The following KANK4 variants were observed in gnomAD, a reference collection of about 807,000 sequenced individuals.
The protein encoded by KANK4 is KN motif and ankyrin repeat domain-containing protein 4.
A neutral mutation model predicts 80.8 loss-of-function variants in KANK4; 50 were observed. That is an observed-to-expected ratio of 0.62 (90% confidence interval 0.49 to 0.78). The LOEUF (loss-of-function observed/expected upper bound fraction) is 0.78. Ranked by LOEUF, KANK4 falls within the 30% of genes least tolerant of loss-of-function variation. KANK4 has a pLI of 0.00. For missense variants in KANK4, 1,196 were observed against 1,240.1 expected (o/e 0.96, Z 0.53); for synonymous variants, 465 against 506.9 (o/e 0.92, Z 1.11).
chr1:62,294,302 T>C (rs531689214), intron 1 of KANK4, among the ~76,000 whole-genome samples: 19 of 152,306 alleles, frequency 1.2e-4, no homozygotes, highest in African/African-American at 4.6e-4. Context: ...AGTAAATGTT[T>C]CCTAGGAATT....
intron 7 of KANK4, among the ~76,000 whole-genome samples, chr1:62,255,194 A>G (rs1671723969): frequency 6.6e-6 from 1 of 152,090 alleles, no homozygotes; most frequent in South Asian, 2.1e-4. Flanking sequence ...CAAACCTGAC[A>G]TATTTTTAAG....
chr1:62,307,713 T>C (rs1445223350), intron 1 of KANK4, among the ~76,000 whole-genome samples: 1 of 151,732 alleles, frequency 6.6e-6, no homozygotes, highest in African/African-American at 2.4e-5. Context: ...TCCAGCCAGG[T>C]GTGGCCATGG....
At chr1:62,267,652 A>G (rs959288115) in intron 5 of KANK4, among the ~76,000 whole-genome samples, 2 of 152,100 alleles carry the variant, frequency 1.3e-5, no homozygotes, top group African/African-American at 4.8e-5. Flanking sequence ...AATACAAAAA[A>G]ATAGCTGAGG....
chr1:62,298,988 A>ACTT (rs1225612796), intron 1 of KANK4, among the ~76,000 whole-genome samples: 1 of 152,056 alleles, frequency 6.6e-6, no homozygotes, highest in African/African-American at 2.4e-5. Flanking sequence ...AGGCTTAGTA[A>ACTT]CTTGGTCATA....
At chr1:62,307,758 ATT>A (rs34091753) in intron 1 of KANK4, among the ~76,000 whole-genome samples, 64 of 145,300 alleles carry the variant, frequency 4.4e-4, no homozygotes, top group African/African-American at 1.3e-3. Context: ...GCCAGACCTG[ATT>A]TTTTTTTTTT....
At chr1:62,317,073 T>G (rs1320202551) in intron 1 of KANK4, among the ~76,000 whole-genome samples, 1 of 152,196 alleles carries the variant, frequency 6.6e-6, no homozygotes, top group East Asian at 1.9e-4. Context: ...CAGGAACCAC[T>G]TGAAGCATAA....
chr1:62,260,601 C>T (rs1671862520), intron 7 of KANK4, among the ~76,000 whole-genome samples: 1 of 152,194 alleles, frequency 6.6e-6, no homozygotes, highest in African/African-American at 2.4e-5. Flanking sequence ...TTTGCTCCTT[C>T]CACTCTGCTA....
At chr1:62,302,221 C>A (rs182339745) in intron 1 of KANK4, among the ~76,000 whole-genome samples, 167 of 151,990 alleles carry the variant, frequency 1.1e-3, no homozygotes, top group African/African-American at 3.9e-3. Context: ...GAGAAAGGGA[C>A]AGTAGCTCCA....
chr1:62,279,025 C>T (rs935333507), intron 2 of KANK4, among the ~76,000 whole-genome samples: 6 of 152,290 alleles, frequency 3.9e-5, no homozygotes, highest in Non-Finnish European at 8.8e-5. Flanking sequence ...ATTTGCCCAA[C>T]GGCCTCTGGG....
chr1:62,275,158 A>C, intron 2 of KANK4, 71 bp from the exon 3 acceptor site: 1 of 1,165,046 alleles, frequency 8.6e-7, no homozygotes. Flanking sequence ...GATGAGGCCT[A>C]ATATCTCTGA....
intron 3 of KANK4, 25 bp from the exon 4 acceptor site, chr1:62,271,614 T>C: frequency 6.5e-7 from 1 of 1,532,886 alleles, no homozygotes; most frequent in South Asian, 1.1e-5. Flanking sequence ...CATCACAGGT[T>C]AGAATGATCT....
intron 9 of KANK4, among the ~76,000 whole-genome samples, chr1:62,243,847 A>AG (rs1671403232): frequency 6.6e-6 from 1 of 152,148 alleles, no homozygotes; most frequent in African/African-American, 2.4e-5. Context: ...TTCTCCCTTC[A>AG]GGGGTCAGTC....
Position 62,236,871 on chromosome 1 carries a change from C to T in KANK4, c.*1406G>A, listed in dbSNP as rs140972744. The T allele has an allele frequency of 0.019, 2,844 of 152,246 alleles. 57 individuals are homozygous for T. Among genetic ancestry groups the T allele is most frequent in the South Asian group, 0.075 (362 of 4,812 alleles). 9.4% of individuals were successfully genotyped at this position (152,246 alleles called of 1,614,324 possible). A position where few individuals can be genotyped will look rare whatever the true frequency, so the allele number is the denominator to read the frequency against. On this transcript the variant is annotated 3_prime_UTR_variant, in exon 10 of 10. Coordinates refer to ENST00000371153, the MANE Select transcript of KANK4 (RefSeq NM_181712.5). ...TCGGCCTCCCAAAGTGCTGGGATTA[C>T]AGGCGTGAACCACCGCGCTCGGCCA...
chr1:62,253,409 C>CTTTTTTTTTTTTTTTTTTTTTTTTTT (rs34488630), intron 7 of KANK4, among the ~76,000 whole-genome samples, 200 bp from the exon 8 acceptor site: 1 of 110,982 alleles, frequency 9.0e-6, no homozygotes, highest in Non-Finnish European at 1.7e-5. Context: ...TTCTTTCTTT[C>CTTTTTTTTTTTTTTTTTTTTTTTTTT]TTTTTTTTTT....
chr1:62,284,465 C>T lies in KANK4; in HGVS notation c.-70-2831G>A, dbSNP rs111521018. Among the ~76,000 whole-genome samples, 7 of 152,190 alleles carry T rather than the reference C, an allele frequency of 4.6e-5. No individual in the cohort carries two copies. The South Asian group carries it at 6.2e-4, about 14-fold the overall frequency. On this transcript the variant is annotated intron_variant, in intron 1 of 9. Transcript: ENST00000371153. ...CCGAGTAGCTGGGATTACGGTCGCG[C>T]GCGCTACCATGCCCAGCTAATTTTT...
At chr1:62,244,398 G>A (rs1054179587) in intron 9 of KANK4, among the ~76,000 whole-genome samples, 1 of 151,954 alleles carries the variant, frequency 6.6e-6, no homozygotes, top group African/African-American at 2.4e-5. Context: ...GGGTGATATG[G>A]TTTGGCTGTG....
At chr1:62,238,642 T>TTC (rs1429326551) in intron 9 of KANK4, among the ~76,000 whole-genome samples, 2 of 151,654 alleles carry the variant, frequency 1.3e-5, no homozygotes, top group African/African-American at 4.8e-5. Flanking sequence ...CTTTTTTTTT[T>TTC]TTTTTGAGAT....
intron 1 of KANK4, among the ~76,000 whole-genome samples, chr1:62,307,104 T>C (rs1422527263): frequency 6.6e-6 from 1 of 152,140 alleles, no homozygotes; most frequent in African/African-American, 2.4e-5. Flanking sequence ...GGCCCCACCT[T>C]CACTTCGTCC....
chr1:62,240,441 C>T (rs952742420), intron 9 of KANK4, among the ~76,000 whole-genome samples: 10 of 152,060 alleles, frequency 6.6e-5, no homozygotes, highest in East Asian at 1.9e-4. Context: ...AGGCCAAGGC[C>T]GGTGGATCAC....
Sources: gnomAD v4.1 joint callset for allele counts (sites outside exome capture counted in the v4.1 genomes callset) on GRCh38, gnomAD v4.1.1 for gene constraint, MANE v1.5 for transcripts, NCBI Gene and HGNC (gene_info 2026-07-23, HGNC 2026-07-21) for gene names.